ZFPM2: variants seen among roughly 807,000 people sequenced by gnomAD.
ZFPM2 encodes the protein zinc finger protein ZFPM2.
ZFPM2 carries 20 observed loss-of-function variants against 98.6 expected under a neutral mutation model. That is an observed-to-expected ratio of 0.20 (90% CI 0.14 to 0.29). The LOEUF is 0.29. Ranked by LOEUF, ZFPM2 falls within the 10% of genes least tolerant of loss-of-function variation. The probability of loss-of-function intolerance (pLI) is 1.00; values close to 1 mark genes in which losing one functional copy is unlikely to be tolerated. For synonymous variants in ZFPM2, 518 were observed against 502.7 expected, an observed-to-expected ratio of 1.03 and a Z score of -0.41; for missense variants, 1,310 against 1,388.6, an observed-to-expected ratio of 0.94 and a Z score of 0.90.
In ZFPM2 at chr8:105,798,709, T is replaced by C; in HGVS notation, c.740-15T>C. ...TGGACAGCAGCAAATGTGTCTCTTG[T>C]GTTTTTACCTGCAGAGGATATATTC... is the stretch of plus-strand genomic sequence containing the variant. On this transcript the variant is annotated splice_polypyrimidine_tract_variant and intron_variant, in intron 6 of 7. Transcript: ENST00000407775. 1 of 1,604,020 alleles carries C rather than the reference T, an allele frequency of 6.2e-7. No individual in the cohort carries two copies. The highest frequency in any genetic ancestry group is 8.5e-7 in the Non-Finnish European group (1 of 1,173,510).
chr8:105,703,392 G>A (rs947155259), intron 5 of ZFPM2, among the ~76,000 whole-genome samples: 11 of 152,112 alleles, frequency 7.2e-5, no homozygotes, highest in African/African-American at 2.4e-4. Context: ...GAAACAAAGG[G>A]GATAGTGGGA....
At chr8:105,426,588 T>A (rs1811916451) in intron 2 of ZFPM2, among the ~76,000 whole-genome samples, 1 of 152,184 alleles carries the variant, frequency 6.6e-6, no homozygotes, top group African/African-American at 2.4e-5. Context: ...TTATTAGTTT[T>A]TCTTAGGTAA....
chr8:105,728,262 T>C (rs1811859097), intron 5 of ZFPM2, among the ~76,000 whole-genome samples: 1 of 151,672 alleles, frequency 6.6e-6, no homozygotes, highest in Admixed American at 6.6e-5. Flanking sequence ...TTATTTCCAG[T>C]GGTTCAAGAT....
intron 4 of ZFPM2, among the ~76,000 whole-genome samples, chr8:105,591,839 C>A (rs1251865226): frequency 6.6e-6 from 1 of 151,982 alleles, no homozygotes; most frequent in African/African-American, 2.4e-5. Flanking sequence ...AAGGAGATGG[C>A]AAATTTGGTA....
chr8:105,439,539 T>A (rs1326020361), intron 2 of ZFPM2, among the ~76,000 whole-genome samples: 1 of 152,170 alleles, frequency 6.6e-6, no homozygotes, highest in African/African-American at 2.4e-5. Flanking sequence ...CTGTGATGTG[T>A]GGGAAGCACT....
chr8:105,673,187 C>CTTTTTTTTTTTTTTTTTT (rs5893754), intron 5 of ZFPM2, among the ~76,000 whole-genome samples: 12 of 87,526 alleles, frequency 1.4e-4, no homozygotes, highest in African/African-American at 5.4e-4. Flanking sequence ...AAATAGCATG[C>CTTTTTTTTTTTTTTTTTT]TTTTTTTTTT....
At chr8:105,406,062 G>T (rs1442885275) in intron 1 of ZFPM2, among the ~76,000 whole-genome samples, 18 of 152,092 alleles carry the variant, frequency 1.2e-4, no homozygotes, top group Non-Finnish European at 2.1e-4. Flanking sequence ...GTGTGTTTTG[G>T]CTGCATAAAT....
chr8:105,635,060 G>T (rs1289130033), intron 5 of ZFPM2, among the ~76,000 whole-genome samples: 1 of 152,108 alleles, frequency 6.6e-6, no homozygotes, highest in Admixed American at 6.5e-5. Flanking sequence ...TAGTTTTGGG[G>T]CACTTTTCTC....
intron 4 of ZFPM2, among the ~76,000 whole-genome samples, chr8:105,562,067 A>G (rs1259553252): frequency 2.0e-5 from 3 of 152,116 alleles, no homozygotes; most frequent in Non-Finnish European, 4.4e-5. Context: ...GCACTTTGGG[A>G]GGCTGAGGCA....
chr8:105,426,615 A>G (rs1811917084), intron 2 of ZFPM2, among the ~76,000 whole-genome samples: 1 of 152,176 alleles, frequency 6.6e-6, no homozygotes, highest in African/African-American at 2.4e-5. Context: ...TAGCCATGCA[A>G]AATGAGAAGT....
At chr8:105,660,909 TA>T (rs1260985702) in intron 5 of ZFPM2, among the ~76,000 whole-genome samples, 1 of 151,980 alleles carries the variant, frequency 6.6e-6, no homozygotes, top group African/African-American at 2.4e-5. Flanking sequence ...TGACAATCAA[TA>T]AAAAACAGAA....
chr8:105,330,619 T>TATATACATATATATATACAC (rs1554595027), intron 1 of ZFPM2, among the ~76,000 whole-genome samples: 6 of 88,488 alleles, frequency 6.8e-5, no homozygotes, highest in Admixed American at 2.5e-4. Context: ...TACACATATA[T>TATATACATATATATATACAC]ATATATATAT....
intron 5 of ZFPM2, among the ~76,000 whole-genome samples, chr8:105,710,104 T>C (rs76452514): frequency 6.6e-6 from 1 of 151,980 alleles, no homozygotes; most frequent in Non-Finnish European, 1.5e-5. Flanking sequence ...TTTTTTTTTT[T>C]CATGAAGAAG....
chr8:105,571,113 C>A (rs898685555), intron 4 of ZFPM2, among the ~76,000 whole-genome samples: 1 of 152,136 alleles, frequency 6.6e-6, no homozygotes, highest in African/African-American at 2.4e-5. Flanking sequence ...AACCTTTTCC[C>A]ACAGAGGATC....
At chr8:105,323,876 G>C (rs1457453441) in intron 1 of ZFPM2, among the ~76,000 whole-genome samples, 1 of 151,764 alleles carries the variant, frequency 6.6e-6, no homozygotes, top group Non-Finnish European at 1.5e-5. Flanking sequence ...TGAAATAAAA[G>C]AGTAGGTATG....
chr8:105,324,774 A>G, intron 1 of ZFPM2, among the ~76,000 whole-genome samples: 1 of 151,990 alleles, frequency 6.6e-6, no homozygotes, highest in Non-Finnish European at 1.5e-5. Context: ...TTACATTTCA[A>G]GAAAACACCT....
intron 4 of ZFPM2, among the ~76,000 whole-genome samples, chr8:105,583,637 G>T (rs916192204): frequency 1.3e-5 from 2 of 152,100 alleles, no homozygotes; most frequent in African/African-American, 4.8e-5. Context: ...TGAGTACTCA[G>T]ATGGGAGCAA....
chr8:105,722,486 C>A (rs1378808364), intron 5 of ZFPM2, among the ~76,000 whole-genome samples: 1 of 151,848 alleles, frequency 6.6e-6, no homozygotes, highest in Non-Finnish European at 1.5e-5. Context: ...TACTGATAAC[C>A]TACTATTGAC....
chr8:105,509,646 A>G (rs186482269), intron 3 of ZFPM2, among the ~76,000 whole-genome samples: 273 of 152,282 alleles, frequency 1.8e-3, no homozygotes, highest in Middle Eastern at 3.4e-3. Flanking sequence ...AATGGCTCCC[A>G]TGAGCTTCAT....
Sources: allele counts gnomAD v4.1 joint callset (sites outside exome capture counted in the v4.1 genomes callset), GRCh38; gene constraint gnomAD v4.1.1; transcripts MANE v1.5; gene names NCBI Gene and HGNC (gene_info 2026-07-23, HGNC 2026-07-21).